The following UBASH3B variants were observed in gnomAD, a reference collection of about 807,000 sequenced individuals.
The protein encoded by UBASH3B is ubiquitin-associated and SH3 domain-containing protein B.
Under a neutral mutation model 83.4 loss-of-function variants are expected in UBASH3B, and 37 were observed. The observed-to-expected ratio is 0.44, with a 90% confidence interval of 0.34 to 0.58. The LOEUF is 0.58. UBASH3B is among the 20% of genes least tolerant of loss of function. The pLI is 0.01. For missense variants in UBASH3B, 657 were observed against 827.2 expected (o/e 0.79, Z 2.52); for synonymous variants, 304 against 318.3 (o/e 0.96, Z 0.48).
intron 1 of UBASH3B, among the ~76,000 whole-genome samples, chr11:122,698,282 G>A (rs1172103884): frequency 2.0e-5 from 3 of 150,922 alleles, no homozygotes; most frequent in Non-Finnish European, 4.4e-5. Flanking sequence ...CCATAGTCAC[G>A]CCAAATTTTT....
intron 1 of UBASH3B, among the ~76,000 whole-genome samples, chr11:122,765,133 G>T (rs140943050): frequency 6.6e-6 from 1 of 151,516 alleles, no homozygotes; most frequent in African/African-American, 2.4e-5. Context: ...GACTAGGTTC[G>T]GTTTTATTCA....
chr11:122,751,485 CG>C (rs1189869221), intron 1 of UBASH3B, among the ~76,000 whole-genome samples: 13 of 152,276 alleles, frequency 8.5e-5, no homozygotes, highest in African/African-American at 3.1e-4. Flanking sequence ...GGCCAGCAGC[CG>C]GCTTCAGGGC....
Position 122,806,283 on chromosome 11 carries a change from G to A in UBASH3B, c.1596-127G>A. ...TTCCCTATACCTTTCTCCTTTCTAG[G>A]GAAATGGATAAACAAACAGATCTAC... is the stretch of plus-strand genomic sequence containing the variant. On this transcript the variant is annotated intron_variant, in intron 11 of 13. Coordinates refer to ENST00000284273, the MANE Select transcript of UBASH3B (RefSeq NM_032873.5). This position sits in a 1 kb window ranked among gnomAD's most constrained non-coding sequence, Gnocchi z 4.0. 1 of 776,856 alleles carries A rather than the reference G, an allele frequency of 1.3e-6. No homozygotes were observed. Among genetic ancestry groups the A allele is most frequent in the South Asian group, 1.9e-5 (1 of 53,480 alleles). The allele number at this position is 776,856 out of a possible 1,614,324, so 48.1% of individuals were successfully genotyped here.
At chr11:122,786,394 C>T (rs946197063) in intron 5 of UBASH3B, among the ~76,000 whole-genome samples, 2 of 151,892 alleles carry the variant, frequency 1.3e-5, no homozygotes, top group African/African-American at 4.8e-5. Context: ...CAGTGGCTCA[C>T]GCCTGTAATC....
chr11:122,742,666 C>T lies in UBASH3B; in HGVS notation c.162-33553C>T, dbSNP rs79805048. Among the ~76,000 whole-genome samples the T allele has an allele frequency of 3.2e-3, 495 of 152,320 alleles. 1 individual carries two copies. Among genetic ancestry groups the T allele is most frequent in the African/African-American group, 0.011 (469 of 41,564 alleles). On this transcript the variant is annotated intron_variant, in intron 1 of 13. Transcript: ENST00000284273. ...AACCCCCTTGGTCAGGAATATAGCA[C>T]GAAGGGTTCCCTCTCAGCTGCCTGG...
chr11:122,803,550 G>A (rs185033837), intron 11 of UBASH3B, among the ~76,000 whole-genome samples: 4 of 152,076 alleles, frequency 2.6e-5, no homozygotes, highest in Non-Finnish European at 5.9e-5. Context: ...GGCCTGGGGG[G>A]GTTGAAAACA....
chr11:122,706,734 A>G (rs922794613), intron 1 of UBASH3B, among the ~76,000 whole-genome samples: 1 of 152,232 alleles, frequency 6.6e-6, no homozygotes, highest in Admixed American at 6.5e-5. Context: ...GAAGAAACAT[A>G]TATGTACGCA....
At chr11:122,756,495 T>C (rs920034917) in intron 1 of UBASH3B, among the ~76,000 whole-genome samples, 8 of 152,236 alleles carry the variant, frequency 5.3e-5, no homozygotes, top group African/African-American at 1.9e-4. Flanking sequence ...ACCCCATTTA[T>C]TTCCAGTGTC....
chr11:122,712,489 C>G (rs772630948), intron 1 of UBASH3B, among the ~76,000 whole-genome samples: 2 of 152,112 alleles, frequency 1.3e-5, no homozygotes, highest in Non-Finnish European at 2.9e-5. Flanking sequence ...GGCTCTCATG[C>G]TTGCTTCCAT....
chr11:122,683,370 T>C (rs1029911389), intron 1 of UBASH3B, among the ~76,000 whole-genome samples: 1 of 151,802 alleles, frequency 6.6e-6, no homozygotes, highest in African/African-American at 2.4e-5. Context: ...ATCCCAGCAG[T>C]GTGGGAGGCC....
chr11:122,696,174 T>C (rs1233081169), intron 1 of UBASH3B, among the ~76,000 whole-genome samples: 3 of 151,654 alleles, frequency 2.0e-5, no homozygotes, highest in Non-Finnish European at 2.9e-5. Context: ...GGTCTTGAAC[T>C]CCTGACCTCA....
At chr11:122,666,391 G>A (rs781727133) in intron 1 of UBASH3B, among the ~76,000 whole-genome samples, 2 of 143,572 alleles carry the variant, frequency 1.4e-5, no homozygotes, top group African/African-American at 2.5e-5. Flanking sequence ...CTGCAGTTTC[G>A]TTTTTGTTTT....
At chr11:122,721,817 G>A (rs576825618) in intron 1 of UBASH3B, among the ~76,000 whole-genome samples, 1 of 152,128 alleles carries the variant, frequency 6.6e-6, no homozygotes, top group East Asian at 1.9e-4. Context: ...TGGCAAATCC[G>A]TTAATGCATT....
At chr11:122,732,063 G>C (rs551444486) in intron 1 of UBASH3B, among the ~76,000 whole-genome samples, 1 of 152,284 alleles carries the variant, frequency 6.6e-6, no homozygotes, top group East Asian at 1.9e-4. Context: ...TGCTTCCGGG[G>C]TGTCTCCCCC....
intron 1 of UBASH3B, among the ~76,000 whole-genome samples, chr11:122,690,234 T>TATATATAAA (rs1863875544): frequency 1.4e-5 from 1 of 73,034 alleles, no homozygotes; most frequent in Non-Finnish European, 2.8e-5. Context: ...ATATATCCAA[T>TATATATAAA]TTTATATATA....
chr11:122,765,387 G>A (rs1860519336), intron 1 of UBASH3B, among the ~76,000 whole-genome samples: 1 of 152,166 alleles, frequency 6.6e-6, no homozygotes. Flanking sequence ...GGGCACTTGC[G>A]ACGCTTCCCA....
chr11:122,747,712 C>T (rs1565550639), intron 1 of UBASH3B, among the ~76,000 whole-genome samples: 2 of 152,128 alleles, frequency 1.3e-5, no homozygotes, highest in African/African-American at 2.4e-5. Flanking sequence ...TTTATAGAGA[C>T]GCAATGAAAA....
chr11:122,657,646 T>A (rs937238387), intron 1 of UBASH3B, among the ~76,000 whole-genome samples: 1 of 152,192 alleles, frequency 6.6e-6, no homozygotes, highest in African/African-American at 2.4e-5. Flanking sequence ...AATCTGTTAA[T>A]CAAAGTAGAC....
chr11:122,660,619 G>C (rs979728116), intron 1 of UBASH3B, among the ~76,000 whole-genome samples: 1 of 152,194 alleles, frequency 6.6e-6, no homozygotes, highest in Non-Finnish European at 1.5e-5. Flanking sequence ...TCATCCCCCT[G>C]CTGACCTCTG....
Sources: gnomAD v4.1 joint callset for allele counts (sites outside exome capture counted in the v4.1 genomes callset) on GRCh38, gnomAD v4.1.1 for gene constraint, Gnocchi (gnomAD v3.1) non-coding constraint, MANE v1.5 for transcripts, NCBI Gene and HGNC (gene_info 2026-07-23, HGNC 2026-07-21) for gene names.